Variants in EDARADD observed in about 807,000 individuals in gnomAD.
EDARADD encodes the protein EDAR associated via death domain, also known as ectodysplasin-A receptor-associated adapter protein.
EDARADD carries 20 observed loss-of-function variants against 25.6 expected under a neutral mutation model. That is an observed-to-expected ratio of 0.78 (90% confidence interval 0.55 to 1.14). The LOEUF (loss-of-function observed/expected upper bound fraction) is 1.14, where lower values mean the gene tolerates loss of function less well. EDARADD is among the 50% of genes most tolerant of loss of function. EDARADD has a pLI of 0.00. For synonymous variants in EDARADD, 86 were observed against 94.4 expected (o/e 0.91, Z 0.52); for missense variants, 225 against 270.1 (o/e 0.83, Z 1.17).
At chr1:236,349,039 A>T (rs1160256958) in intron 2 of EDARADD, 1 of 151,956 alleles carries the variant, frequency 6.6e-6, no homozygotes. Context: ...TAAATAGTTG[A>T]TTTTCTTTTC....
chr1:236,404,928 T>C (rs1455557683), intron 1 of EDARADD, among the ~76,000 whole-genome samples: 1 of 152,086 alleles, frequency 6.6e-6, no homozygotes. Flanking sequence ...ACCCCATCTC[T>C]ACTAAAAATG....
chr1:236,419,131 T>C (rs1657716087), intron 3 of EDARADD, among the ~76,000 whole-genome samples: 1 of 152,106 alleles, frequency 6.6e-6, no homozygotes, highest in Admixed American at 6.5e-5. Flanking sequence ...ATTCAAGTTC[T>C]TTGCCAGTGT....
intron 4 of EDARADD, among the ~76,000 whole-genome samples, chr1:236,466,810 T>C (rs950632094): frequency 1.3e-5 from 2 of 152,204 alleles, no homozygotes; most frequent in African/African-American, 2.4e-5. Flanking sequence ...GGCTCACACC[T>C]GTAATCCCAA....
chr1:236,471,546 G>A (rs1437235279), intron 5 of EDARADD, among the ~76,000 whole-genome samples: 7 of 151,396 alleles, frequency 4.6e-5, no homozygotes, highest in Admixed American at 4.6e-4. Flanking sequence ...TTCAACACTT[G>A]TTGGTATTTT....
Position 236,483,184 on chromosome 1 carries a change from A to G in EDARADD, c.*535A>G. The stretch of plus-strand genomic sequence containing the variant: ...TTCACCATGTCTATTCTCAAGATCC[A>G]TGCCAGGGAGCTCTTTGACTCTCGT... On this transcript the variant is annotated 3_prime_UTR_variant, in exon 6 of 6. Transcript: ENST00000334232. 1 of 1,567,494 alleles carries G rather than the reference A, an allele frequency of 6.4e-7. No homozygotes were observed. The highest frequency in any genetic ancestry group is 1.1e-5 in the South Asian group (1 of 90,122).
At chr1:236,468,777 T>C (rs1204288425) in intron 5 of EDARADD, among the ~76,000 whole-genome samples, 1 of 152,232 alleles carries the variant, frequency 6.6e-6, no homozygotes, top group African/African-American at 2.4e-5. Flanking sequence ...GTATTTTCTC[T>C]GCACTAACCT....
chr1:236,358,051 A>G (rs1667002205), intron 3 of EDARADD, among the ~76,000 whole-genome samples: 1 of 152,092 alleles, frequency 6.6e-6, no homozygotes, highest in Non-Finnish European at 1.5e-5. Flanking sequence ...TTGTATTTTT[A>G]GAAGAGATGG....
At chr1:236,414,645 G>C (rs1179690988) in intron 3 of EDARADD, among the ~76,000 whole-genome samples, 1 of 152,034 alleles carries the variant, frequency 6.6e-6, no homozygotes, top group African/African-American at 2.4e-5. Context: ...TTTAAAAAGC[G>C]GGAACTGGCC....
In EDARADD at chr1:236,405,880, T is replaced by C. The variant is rs1483656825; in HGVS notation, c.62-3336T>C. ...TTCCTTCCTTCCTTCCTTCCTTCTT[T>C]CTTTCTTTCTTTCTTTCTTTCTTTC... On this transcript the variant is annotated intron_variant, in intron 1 of 5. Transcript: ENST00000334232. 1.2e-4 allele frequency among the ~76,000 whole-genome samples: 4 copies of C among 34,250 alleles called. No individual in the cohort carries two copies. The South Asian group carries it at 3.0e-3, about 25-fold the overall frequency. The allele number at this position is 34,250 out of a possible 152,430, so 22.5% of individuals were successfully genotyped here. A position where few individuals can be genotyped will look rare whatever the true frequency, so the allele number is the denominator to read the frequency against.
intron 4 of EDARADD, 51 bp from the exon 5 acceptor site, chr1:236,468,180 T>C: frequency 6.5e-7 from 1 of 1,549,132 alleles, no homozygotes; most frequent in Non-Finnish European, 8.9e-7. Flanking sequence ...TGATAATATC[T>C]CCATTCACAT....
intron 3 of EDARADD, among the ~76,000 whole-genome samples, chr1:236,351,918 G>C (rs995281226): frequency 1.3e-5 from 2 of 152,060 alleles, no homozygotes; most frequent in Non-Finnish European, 2.9e-5. Context: ...AGGTTTCTCG[G>C]AACTGTGGTG....
rs147154153 is a variant in EDARADD at position 236,397,245 on chromosome 1, A to G, written c.61+2740A>G. Among the ~76,000 whole-genome samples the G allele has an allele frequency of 4.3e-3, 660 of 152,052 alleles. 7 individuals carry two copies. The highest frequency in any genetic ancestry group is 0.015 in the African/African-American group (619 of 41,440). On this transcript the variant is annotated intron_variant, in intron 1 of 5. Coordinates refer to ENST00000334232, the MANE Select transcript of EDARADD (RefSeq NM_145861.4). ...GGCAACATAGTGAGACCCTGACTCTACAAAAAATAGAAAAATTAGCCAAAT... is the reference window on the plus strand; with the variant it reads ...GGCAACATAGTGAGACCCTGACTCTGCAAAAAATAGAAAAATTAGCCAAAT...
At position 236,482,456 on chromosome 1, in the gene EDARADD, A is replaced by G; in HGVS notation, c.455A>G (p.Glu152Gly). The G allele has an allele frequency of 6.2e-7, 1 of 1,614,152 alleles. No individual in the cohort carries two copies. The highest frequency in any genetic ancestry group is 8.5e-7 in the Non-Finnish European group (1 of 1,180,042). The change falls in exon 6 of 6, where the codon GAA becomes GGA. Residue 152 changes from glutamate (E) to glycine (G), a missense_variant. Coordinates refer to ENST00000334232, the MANE Select transcript of EDARADD (RefSeq NM_145861.4). Reference sequence around the variant, plus strand: ...AGCAAATGGGGGATGTCCTATGACGAATTGTGCTTCCTGGAGCAGAGGCCA... The same window carrying G: ...AGCAAATGGGGGATGTCCTATGACGGATTGTGCTTCCTGGAGCAGAGGCCA... ...FASKWGMSYD[E>G]LCFLEQRPQS...
At chr1:236,381,591 T>G (rs1667299642) in intron 3 of EDARADD, among the ~76,000 whole-genome samples, 1 of 151,954 alleles carries the variant, frequency 6.6e-6, no homozygotes, top group African/African-American at 2.4e-5. Context: ...TCATAAGCCC[T>G]AAATACATTG....
intron 3 of EDARADD, among the ~76,000 whole-genome samples, chr1:236,422,117 A>G (rs665504): frequency 0.57 from 86,362 of 151,984 alleles, 26,881 homozygotes; most frequent in Non-Finnish European, 0.7. Flanking sequence ...AAGGCCTGTG[A>G]CAATAGTGAC....
At chr1:236,418,727 G>A (rs539392637) in intron 3 of EDARADD, among the ~76,000 whole-genome samples, 1 of 152,262 alleles carries the variant, frequency 6.6e-6, no homozygotes, top group Admixed American at 6.5e-5. Flanking sequence ...AAGTAGAAAG[G>A]TCTGTCCTAA....
intron 3 of EDARADD, among the ~76,000 whole-genome samples, chr1:236,351,170 A>G (rs1001007470): frequency 1.3e-5 from 2 of 152,058 alleles, no homozygotes; most frequent in African/African-American, 4.8e-5. Context: ...CCTACTTGTA[A>G]TTGTTACTAG....
At chr1:236,437,668 T>TAAACTTAC (rs1221085674) in intron 4 of EDARADD, among the ~76,000 whole-genome samples, 2 of 151,836 alleles carry the variant, frequency 1.3e-5, no homozygotes, top group Non-Finnish European at 2.9e-5. Context: ...TGAAGTGACT[T>TAAACTTAC]AAACTTACCA....
intron 5 of EDARADD, among the ~76,000 whole-genome samples, chr1:236,468,524 G>A (rs1268420201): frequency 6.6e-6 from 1 of 152,126 alleles, no homozygotes; most frequent in Admixed American, 6.6e-5. Flanking sequence ...GGAGGCTGAG[G>A]CAGGAGAATC....
Sources: allele counts gnomAD v4.1 joint callset (sites outside exome capture counted in the v4.1 genomes callset), GRCh38; gene constraint gnomAD v4.1.1; transcripts MANE v1.5; gene names NCBI Gene and HGNC (gene_info 2026-07-23, HGNC 2026-07-21).